ZNF487: variants seen among roughly 807,000 people sequenced by gnomAD.
ZNF487 encodes the protein zinc finger protein 487, also known as KRAB domain only 1.
A neutral mutation model predicts 3.0 loss-of-function variants in ZNF487; 4 were observed. The ratio of observed to expected loss-of-function variants is 1.35; its 90% CI spans 0.66 to 3.08. The LOEUF (loss-of-function observed/expected upper bound fraction) is 3.08. Among genes scored for constraint, ZNF487 ranks in the 30% most tolerant of loss-of-function variants. The pLI, the probability that ZNF487 is intolerant of heterozygous loss-of-function variation, is 0.01. For missense variants in ZNF487, 146 were observed against 98.7 expected, an observed-to-expected ratio of 1.48 and a Z score of -2.03; for synonymous variants, 55 against 34.6, an observed-to-expected ratio of 1.59 and a Z score of -2.06.
At chr10:43,441,519 G>A (rs1305104548) in intron 1 of ZNF487, among the ~76,000 whole-genome samples, 2 of 151,842 alleles carry the variant, frequency 1.3e-5, no homozygotes, top group South Asian at 2.1e-4. Context: ...CACCCACCTC[G>A]GCCTCCTAAA....
At chr10:43,480,635 G>C (rs1054990184) in intron 3 of ZNF487, among the ~76,000 whole-genome samples, 2 of 151,056 alleles carry the variant, frequency 1.3e-5, no homozygotes, top group African/African-American at 4.9e-5. Flanking sequence ...AGGCTGGTCT[G>C]GAACGCTTGA....
In ZNF487 at chr10:43,454,937, CA is replaced by C. The variant is rs58217923; in HGVS notation, c.-94+17695del. Among the ~76,000 whole-genome samples, 754 of 85,398 alleles carry C rather than the reference CA, an allele frequency of 8.8e-3. 7 individuals are homozygous for C. Among genetic ancestry groups the C allele is most frequent in the African/African-American group, 0.032 (665 of 21,110 alleles). The allele number at this position is 85,398 out of a possible 152,430, so 56.0% of individuals were successfully genotyped here. A position where few individuals can be genotyped will look rare whatever the true frequency, so the allele number is the denominator to read the frequency against. On this transcript the variant is annotated intron_variant, in intron 1 of 3. Coordinates refer to ENST00000437590, the MANE Select transcript of ZNF487 (RefSeq NM_001355444.3). ...TGGGCAACAGAGCCAGACCTTGTCT[CA>C]AAAAAAAAAAAAAAAAAAAGTCCTT... is the stretch of plus-strand genomic sequence containing the variant.
At chr10:43,439,254 G>T (rs925878831) in intron 1 of ZNF487, among the ~76,000 whole-genome samples, 1 of 151,434 alleles carries the variant, frequency 6.6e-6, no homozygotes, top group African/African-American at 2.4e-5. Context: ...AAAAAAATCA[G>T]CTGGGCATTG....
Position 43,482,999 on chromosome 10 carries a change from T to C in ZNF487, c.*1077T>C, listed in dbSNP as rs778290824. The C allele has an allele frequency of 4.0e-6, 2 of 496,462 alleles. No individual in the cohort carries two copies. Among genetic ancestry groups the C allele is most frequent in the Non-Finnish European group, 8.2e-6 (2 of 245,110 alleles). The allele number at this position is 496,462 out of a possible 1,614,324, so 30.8% of individuals were successfully genotyped here. ...GAACACACACAAGGGAGCAACCCTATGAATATAATGAAAGCTTTTACCAGA... is the reference window on the plus strand; with the variant it reads ...GAACACACACAAGGGAGCAACCCTACGAATATAATGAAAGCTTTTACCAGA... On this transcript the variant is annotated 3_prime_UTR_variant, in exon 4 of 4. Transcript: ENST00000437590.
the ZNF487 span, chr10:43,523,677 G>T: frequency 6.6e-6 from 1 of 152,378 alleles, no homozygotes; most frequent in South Asian, 1.9e-4. Context: ...AGCTTTTCAT[G>T]AGGAGGCAGC....
the ZNF487 span, among the ~76,000 whole-genome samples, chr10:43,492,521 G>A: frequency 6.6e-6 from 1 of 151,084 alleles, no homozygotes; most frequent in African/African-American, 2.5e-5. Flanking sequence ...GCATGATCTC[G>A]GCTCACTGCA....
At chr10:43,456,942 C>G (rs541167205) in intron 1 of ZNF487, among the ~76,000 whole-genome samples, 6 of 152,160 alleles carry the variant, frequency 3.9e-5, no homozygotes, top group Non-Finnish European at 7.3e-5. Flanking sequence ...TTTACTCATT[C>G]CAGATACCGA....
chr10:43,466,175 G>A (rs1184501792), intron 1 of ZNF487, among the ~76,000 whole-genome samples: 8 of 10,816 alleles, frequency 7.4e-4, no homozygotes, highest in African/African-American at 2.3e-3. Context: ...GAGGGAGACC[G>A]TGGAAAGAGA....
intron 1 of ZNF487, among the ~76,000 whole-genome samples, chr10:43,445,667 A>G (rs1025811248): frequency 2.1e-5 from 3 of 144,616 alleles, no homozygotes; most frequent in African/African-American, 7.8e-5. Context: ...CAAAAATTTT[A>G]TTTTATTTTG....
chr10:43,508,529 C>T, the ZNF487 span, among the ~76,000 whole-genome samples: 11 of 152,300 alleles, frequency 7.2e-5, no homozygotes, highest in South Asian at 1.7e-3. Flanking sequence ...TAATATCGGG[C>T]TGGGCACGGT....
intron 3 of ZNF487, among the ~76,000 whole-genome samples, chr10:43,478,910 CTTTTTTT>C (rs925612956): frequency 7.2e-6 from 1 of 139,024 alleles, no homozygotes; most frequent in African/African-American, 2.6e-5. Flanking sequence ...TTTCTTTTTT[CTTTTTTT>C]TTTTAATGAG....
chr10:43,460,655 A>G (rs1252991968), intron 1 of ZNF487, among the ~76,000 whole-genome samples: 2 of 150,620 alleles, frequency 1.3e-5, no homozygotes, highest in Non-Finnish European at 2.9e-5. Flanking sequence ...GACTACAGGT[A>G]TGAGCCACCA....
the ZNF487 span, among the ~76,000 whole-genome samples, chr10:43,492,878 A>G: frequency 2.0e-5 from 3 of 152,172 alleles, no homozygotes; most frequent in African/African-American, 7.2e-5. Context: ...CAGTTTACTT[A>G]ATAAAAATCT....
At chr10:43,479,563 G>GA (rs1841232456) in intron 3 of ZNF487, among the ~76,000 whole-genome samples, 1 of 152,262 alleles carries the variant, frequency 6.6e-6, no homozygotes, top group Admixed American at 6.6e-5. Context: ...TGAGCTGCTT[G>GA]AAGCATTACT....
At chr10:43,463,645 C>T (rs1208730825) in intron 1 of ZNF487, among the ~76,000 whole-genome samples, 1 of 151,706 alleles carries the variant, frequency 6.6e-6, no homozygotes, top group Non-Finnish European at 1.5e-5. Flanking sequence ...CCACCTTGGT[C>T]CCCCAGAGCT....
chr10:43,497,296 G>C, the ZNF487 span, among the ~76,000 whole-genome samples: 1 of 152,208 alleles, frequency 6.6e-6, no homozygotes, highest in East Asian at 1.9e-4. Context: ...AATGTGGTGT[G>C]ATATTTTAGC....
At chr10:43,474,209 C>CCTAG (rs992492636) in intron 1 of ZNF487, among the ~76,000 whole-genome samples, 6 of 149,750 alleles carry the variant, frequency 4.0e-5, no homozygotes, top group Admixed American at 2.0e-4. Context: ...AGCCTGTAAT[C>CCTAG]CTAGCACTTT....
chr10:43,491,425 G>T, the ZNF487 span, among the ~76,000 whole-genome samples: 1 of 151,534 alleles, frequency 6.6e-6, no homozygotes, highest in South Asian at 2.1e-4. Context: ...CTTTCCTTGG[G>T]AGCCATCTGA....
the ZNF487 span, among the ~76,000 whole-genome samples, chr10:43,518,317 G>T: frequency 1.3e-5 from 2 of 152,160 alleles, no homozygotes; most frequent in Non-Finnish European, 2.9e-5. Context: ...TTAGTTGGGA[G>T]TTCTCTGATT....
Sources: allele counts gnomAD v4.1 joint callset (sites outside exome capture counted in the v4.1 genomes callset), GRCh38; gene constraint gnomAD v4.1.1; transcripts MANE v1.5; gene names NCBI Gene and HGNC (gene_info 2026-07-23, HGNC 2026-07-21).